EPYC: variants seen among roughly 807,000 people sequenced by gnomAD.
The protein encoded by EPYC is epiphycan, also known as dermatan sulfate proteoglycan 3.
In EPYC, 28 loss-of-function variants were observed where a neutral mutation model predicts 30.1. The ratio of observed to expected loss-of-function variants is 0.93; its 90% CI spans 0.69 to 1.28. EPYC has a LOEUF of 1.28. Ranked by LOEUF, EPYC falls within the 50% of genes most tolerant of loss-of-function variation. The pLI is 0.00. For missense variants in EPYC, 382 were observed against 383.5 expected, an observed-to-expected ratio of 1.00 and a Z score of 0.03; for synonymous variants, 144 against 141.4, an observed-to-expected ratio of 1.02 and a Z score of -0.13.
intron 2 of EPYC, among the ~76,000 whole-genome samples, chr12:90,990,425 C>T (rs1344886495): frequency 4.6e-5 from 7 of 152,038 alleles, no homozygotes; most frequent in Non-Finnish European, 8.8e-5. Flanking sequence ...ACCAGGTAAT[C>T]GCCAATTGCC....
At chr12:90,969,549 T>G (rs1813932703) in intron 6 of EPYC, among the ~76,000 whole-genome samples, 1 of 151,814 alleles carries the variant, frequency 6.6e-6, no homozygotes, top group Non-Finnish European at 1.5e-5. Context: ...TGCACTTTGT[T>G]TATCCAGAGA....
At chr12:90,975,834 G>A (rs1416617850) in intron 3 of EPYC, among the ~76,000 whole-genome samples, 2 of 151,978 alleles carry the variant, frequency 1.3e-5, no homozygotes, top group African/African-American at 4.8e-5. Flanking sequence ...TCTACTTGTA[G>A]AGTGTTCTGC....
intron 2 of EPYC, among the ~76,000 whole-genome samples, chr12:90,995,704 C>A (rs760134589): frequency 1.3e-5 from 2 of 151,640 alleles, no homozygotes; most frequent in Non-Finnish European, 2.9e-5. Context: ...CAAAGATTAT[C>A]AGTATTTGTT....
intron 3 of EPYC, among the ~76,000 whole-genome samples, chr12:90,975,446 T>C (rs1277904636): frequency 6.6e-6 from 1 of 152,094 alleles, no homozygotes; most frequent in Non-Finnish European, 1.5e-5. Context: ...TTCTAAATAT[T>C]TCTAAACTAA....
rs538251494 is a variant in EPYC at position 90,984,771 on chromosome 12, A to G, written c.166-6509T>C. Among the ~76,000 whole-genome samples the G allele has an allele frequency of 2.6e-5, 4 of 152,188 alleles. No homozygotes were observed. The East Asian group carries it at 7.8e-4, about 30-fold the overall frequency. ...CCTCCTCTAATCTCCTCCACCCAGA[A>G]GGAAACAAGCAAAGAAATCTCCAGG... On this transcript the variant is annotated intron_variant, in intron 2 of 6. Coordinates refer to ENST00000261172, the MANE Select transcript of EPYC (RefSeq NM_004950.5).
At chr12:90,966,859 A>G (rs1392273040) in intron 6 of EPYC, among the ~76,000 whole-genome samples, 2 of 152,114 alleles carry the variant, frequency 1.3e-5, no homozygotes, top group African/African-American at 2.4e-5. Flanking sequence ...GTCAATTTCA[A>G]TAGCTTGCAT....
intron 2 of EPYC, among the ~76,000 whole-genome samples, chr12:90,996,987 T>G (rs890139515): frequency 6.6e-6 from 1 of 151,948 alleles, no homozygotes; most frequent in Non-Finnish European, 1.5e-5. Flanking sequence ...GAGACAAAAA[T>G]TGGGCTCCAG....
chr12:91,003,529 A>C (rs1877879539), intron 1 of EPYC, among the ~76,000 whole-genome samples: 1 of 152,028 alleles, frequency 6.6e-6, no homozygotes, highest in South Asian at 2.1e-4. Flanking sequence ...AAGATCCTAT[A>C]ATTTAATTAT....
intron 3 of EPYC, among the ~76,000 whole-genome samples, chr12:90,976,717 C>A (rs1246312055): frequency 6.6e-6 from 1 of 152,150 alleles, no homozygotes; most frequent in Admixed American, 6.6e-5. Context: ...ACTCAAATCT[C>A]ATCTTGAATT....
At chr12:90,966,221 T>C (rs1426954227) in intron 6 of EPYC, among the ~76,000 whole-genome samples, 1 of 152,066 alleles carries the variant, frequency 6.6e-6, no homozygotes, top group African/African-American at 2.4e-5. Flanking sequence ...GTTTCTGTTC[T>C]TAGAAAGAAA....
chr12:90,986,308 C>T (rs1877447317), intron 2 of EPYC, among the ~76,000 whole-genome samples: 1 of 152,040 alleles, frequency 6.6e-6, no homozygotes, highest in South Asian at 2.1e-4. Context: ...CAAAGGATTA[C>T]AGGATATTGT....
At chr12:90,989,392 T>A (rs544690455) in intron 2 of EPYC, among the ~76,000 whole-genome samples, 51 of 152,120 alleles carry the variant, frequency 3.4e-4, no homozygotes, top group Non-Finnish European at 6.8e-4. Context: ...CAAAGTTATG[T>A]AATGAATGAA....
At chr12:90,992,852 C>T (rs1332950693) in intron 2 of EPYC, among the ~76,000 whole-genome samples, 3 of 152,146 alleles carry the variant, frequency 2.0e-5, no homozygotes, top group Admixed American at 1.3e-4. Context: ...TATTTGCATT[C>T]GTGACTAGCT....
intron 3 of EPYC, among the ~76,000 whole-genome samples, chr12:90,975,742 G>A (rs1289090778): frequency 6.6e-6 from 1 of 152,022 alleles, no homozygotes; most frequent in Non-Finnish European, 1.5e-5. Flanking sequence ...TATAAGTAAT[G>A]TTCTAGGGAT....
chr12:90,972,381 T>C (rs1877074826), intron 4 of EPYC, among the ~76,000 whole-genome samples: 1 of 152,152 alleles, frequency 6.6e-6, no homozygotes, highest in Non-Finnish European at 1.5e-5. Flanking sequence ...TGACAACACA[T>C]ACCAAAATTC....
intron 6 of EPYC, among the ~76,000 whole-genome samples, chr12:90,967,128 T>C (rs74831747): frequency 0.025 from 3,816 of 152,106 alleles, 161 homozygotes; most frequent in African/African-American, 0.087. Flanking sequence ...TAATTTTTAT[T>C]ATTTCTATTC....
chr12:90,982,459 C>T (rs1318658841), intron 2 of EPYC, among the ~76,000 whole-genome samples: 1 of 151,690 alleles, frequency 6.6e-6, no homozygotes, highest in Non-Finnish European at 1.5e-5. Context: ...TCTTCTCATC[C>T]TCTCTCCTTC....
chr12:90,966,389 A>G (rs1233484695), intron 6 of EPYC, among the ~76,000 whole-genome samples: 2 of 152,198 alleles, frequency 1.3e-5, no homozygotes, highest in East Asian at 3.9e-4. Flanking sequence ...CTTGACATCT[A>G]TTGAAATAAT....
Position 90,964,041 on chromosome 12 carries a change from T to C in EPYC, c.*115A>G. 3 of 747,944 alleles carry C rather than the reference T, an allele frequency of 4.0e-6. No individual in the cohort carries two copies. Among genetic ancestry groups the C allele is most frequent in the Admixed American group, 2.7e-5 (1 of 37,626 alleles). 46.3% of individuals were successfully genotyped at this position (747,944 alleles called of 1,614,324 possible). A position where few individuals can be genotyped will look rare whatever the true frequency, so the allele number is the denominator to read the frequency against. On this transcript the variant is annotated 3_prime_UTR_variant, in exon 7 of 7. Coordinates refer to ENST00000261172, the MANE Select transcript of EPYC (RefSeq NM_004950.5). ...ACATTTTTAATTGTATTTTATGTAG[T>C]CATATCATCTCTCAGAACACAATCT...
Sources: gnomAD v4.1 joint callset for allele counts (sites outside exome capture counted in the v4.1 genomes callset) on GRCh38, gnomAD v4.1.1 for gene constraint, MANE v1.5 for transcripts, NCBI Gene and HGNC (gene_info 2026-07-23, HGNC 2026-07-21) for gene names.